Variants in ANKRD12 observed in about 807,000 individuals in gnomAD.
The protein encoded by ANKRD12 is ankyrin repeat domain 12.
A neutral mutation model predicts 183.4 loss-of-function variants in ANKRD12; 85 were observed. The observed-to-expected ratio is 0.46, with a 90% CI of 0.39 to 0.56. The LOEUF (loss-of-function observed/expected upper bound fraction) is 0.56. Among genes scored for constraint, ANKRD12 ranks in the 20% least tolerant of loss-of-function variants. The pLI is 0.00. For missense variants in ANKRD12, 2,405 were observed against 2,357.1 expected (o/e 1.02, Z -0.42); for synonymous variants, 914 against 800.2 (o/e 1.14, Z -2.40).
rs1304806480 is a variant in ANKRD12 at position 9,211,642 on chromosome 18, T to G, written c.510T>G (p.Ser170=). ...CTGCCCAAAAGAAAACTCCCAGTTCTTCATCTCGACAGAAAGATAAAGTTA... is the reference window on the plus strand; with the variant it reads ...CTGCCCAAAAGAAAACTCCCAGTTCGTCATCTCGACAGAAAGATAAAGTTA... ...TTPAQKKTPS[S]SSRQKDKVNK... The change falls in exon 6 of 13, where the codon TCT becomes TCG. Residue 170 remains serine, a synonymous_variant. Transcript: ENST00000262126. 6.2e-7 allele frequency: 1 copy of G among 1,613,900 alleles called. No individual in the cohort carries two copies. The highest frequency in any genetic ancestry group is 1.7e-5 in the Admixed American group (1 of 59,984).
At position 9,257,520 on chromosome 18, in the gene ANKRD12, C is replaced by T; in HGVS notation, c.4253C>T (p.Ser1418Leu). The T allele has an allele frequency of 6.2e-7, 1 of 1,614,102 alleles. No homozygotes were observed. The highest frequency in any genetic ancestry group is 8.5e-7 in the Non-Finnish European group (1 of 1,180,002). The change falls in exon 9 of 13, where the codon TCA becomes TTA. Residue 1418 changes from serine (S) to leucine (L), a missense_variant. Physicochemically the swap from Ser to Leu is moderately radical, Grantham distance 145. Transcript: ENST00000262126. ...SSQVGVIQNK[S>L]WEMPVDRLET... is the part of the protein sequence containing the mutation. ...CAGGTTGGTGTGATCCAGAATAAAT[C>T]ATGGGAGATGCCTGTTGATAGACTA...
Position 9,238,963 on chromosome 18 carries a change from A to G in ANKRD12, c.944-15248A>G, listed in dbSNP as rs1295140110. Among the ~76,000 whole-genome samples the G allele has an allele frequency of 3.9e-5, 6 of 152,264 alleles. No homozygotes were observed. The East Asian group carries it at 1.2e-3, about 29-fold the overall frequency. ...ATGGTGAAACCCCATCTTTACAGAA[A>G]ATACAAAAATTAGCAGGGCATGGTG... On this transcript the variant is annotated intron_variant, in intron 8 of 12. Transcript: ENST00000262126.
chr18:9,244,754 G>C (rs935355563), intron 8 of ANKRD12, among the ~76,000 whole-genome samples: 3 of 152,198 alleles, frequency 2.0e-5, no homozygotes, highest in Non-Finnish European at 4.4e-5. Flanking sequence ...TTTCCATGGA[G>C]TATAAGCATG....
chr18:9,254,268 A>T lies in ANKRD12; in HGVS notation c.1001A>T (p.Glu334Val). 1 of 1,606,090 alleles carries T rather than the reference A, an allele frequency of 6.2e-7. No homozygotes were observed. Among genetic ancestry groups the T allele is most frequent in the Non-Finnish European group, 8.5e-7 (1 of 1,177,488 alleles). The change falls in exon 9 of 13, where the codon GAA becomes GTA. Residue 334 changes from glutamate (E) to valine (V), a missense_variant. Around this residue, in one of 7 missense-constraint regions of ANKRD12, gnomAD observed 1,983 missense variants for 1,725.9 expected, o/e 1.15. Transcript: ENST00000262126. ...PSSVDENIDSETEKDSLICES... is the reference protein window; with the variant it reads ...PSSVDENIDSVTEKDSLICES... ...AGTGTTGATGAAAATATTGACTCTG[A>T]AACAGAGAAAGACTCTCTCATCTGT...
At chr18:9,162,517 G>A (rs2031561581) in intron 1 of ANKRD12, among the ~76,000 whole-genome samples, 1 of 152,120 alleles carries the variant, frequency 6.6e-6, no homozygotes, top group Admixed American at 6.5e-5. Context: ...AGATACACAT[G>A]CATGTATCTT....
chr18:9,192,088 C>T (rs1258035025), intron 2 of ANKRD12, among the ~76,000 whole-genome samples: 9 of 152,164 alleles, frequency 5.9e-5, no homozygotes, highest in African/African-American at 2.2e-4. Flanking sequence ...GCTCCCCACC[C>T]CTTGGAACTG....
intron 9 of ANKRD12, chr18:9,259,428 CAT>C (rs1051784992): frequency 1.2e-4 from 18 of 150,238 alleles, no homozygotes; most frequent in African/African-American, 4.6e-4. Context: ...ATGTGTTTAA[CAT>C]AGACACATTT....
intron 8 of ANKRD12, chr18:9,235,577 T>C: frequency 2.2e-6 from 1 of 454,988 alleles, no homozygotes; most frequent in Non-Finnish European, 4.4e-6. Context: ...GATGAAAGAA[T>C]ATACTGTACT....
In ANKRD12 at chr18:9,255,294, A is replaced by T; in HGVS notation, c.2027A>T (p.Tyr676Phe). Residue 676 changes from tyrosine to phenylalanine, a missense_variant, in exon 9 of 13, where the codon TAC becomes TTC. Tyr to Phe is a conservative substitution (Grantham distance 22, BLOSUM62 3). Transcript: ENST00000262126. The stretch of plus-strand genomic sequence containing the variant: ...GAAATTGAAGGTGAAAAGGAAAAAT[A>T]CAAAACTAAGGATAGTGCCAAAGAA... ...KKEIEGEKEK[Y>F]KTKDSAKELQ... 9 of 1,579,930 alleles carry T rather than the reference A, an allele frequency of 5.7e-6. No individual in the cohort carries two copies. The highest frequency in any genetic ancestry group is 7.7e-6 in the Non-Finnish European group (9 of 1,171,242).
In ANKRD12 at chr18:9,167,862, C is replaced by G. The variant is rs2032253117; in HGVS notation, c.-51-14520C>G. On this transcript the variant is annotated intron_variant, in intron 1 of 12. Transcript: ENST00000262126. Reference sequence around the variant, plus strand: ...TGATATTGGCTGTGGGTTTGTCATACATAGCTCTTATTGTTTTGAGATACG... The same window carrying G: ...TGATATTGGCTGTGGGTTTGTCATAGATAGCTCTTATTGTTTTGAGATACG... Among the ~76,000 whole-genome samples, 3 of 152,020 alleles carry G rather than the reference C, an allele frequency of 2.0e-5. No individual in the cohort carries two copies. In the South Asian group the frequency reaches 6.2e-4, roughly 32 times the overall value.
chr18:9,212,181 A>G (rs1389730284), intron 6 of ANKRD12, among the ~76,000 whole-genome samples: 1 of 151,994 alleles, frequency 6.6e-6, no homozygotes, highest in Non-Finnish European at 1.5e-5. Context: ...TTCATTATTC[A>G]AGTAGCATAC....
At chr18:9,241,160 A>G (rs2037637170) in intron 8 of ANKRD12, among the ~76,000 whole-genome samples, 1 of 152,140 alleles carries the variant, frequency 6.6e-6, no homozygotes, top group South Asian at 2.1e-4. Flanking sequence ...AAATTTTTTT[A>G]ACCTAGAAGC....
At position 9,140,250 on chromosome 18, in the gene ANKRD12, A is replaced by G. The variant is rs1216651325; in HGVS notation, c.-52+3285A>G. ...AACTTCTATACAACGTGGTGATGTT[A>G]TTTTTAAAGAAAATACAATTCTTAA... On this transcript the variant is annotated intron_variant, in intron 1 of 12. Transcript: ENST00000262126. 2.0e-5 allele frequency among the ~76,000 whole-genome samples: 3 copies of G among 152,306 alleles called. No homozygotes were observed. In the East Asian group the frequency reaches 5.8e-4, roughly 29 times the overall value.
chr18:9,183,673 ACTT>A (rs138551037), intron 2 of ANKRD12, among the ~76,000 whole-genome samples: 33,102 of 151,852 alleles, frequency 0.22, 4,534 homozygotes, highest in Middle Eastern at 0.36. Context: ...AGATAATTTT[ACTT>A]CTTTTCCAGT....
intron 2 of ANKRD12, among the ~76,000 whole-genome samples, chr18:9,194,907 C>T (rs2034682478): frequency 6.6e-6 from 1 of 152,156 alleles, no homozygotes; most frequent in African/African-American, 2.4e-5. Flanking sequence ...GCACTACTCA[C>T]AGTAGCAAAT....
At chr18:9,206,347 C>T (rs1439723373) in intron 4 of ANKRD12, among the ~76,000 whole-genome samples, 1 of 152,108 alleles carries the variant, frequency 6.6e-6, no homozygotes, top group Admixed American at 6.5e-5. Flanking sequence ...TAATCACCTT[C>T]CTGACAAGAG....
At chr18:9,218,628 T>G (rs905567258) in intron 7 of ANKRD12, among the ~76,000 whole-genome samples, 1 of 152,126 alleles carries the variant, frequency 6.6e-6, no homozygotes, top group Non-Finnish European at 1.5e-5. Context: ...TTGACTTGTT[T>G]GTAAATGTAT....
intron 10 of ANKRD12, among the ~76,000 whole-genome samples, chr18:9,266,260 A>G (rs1197901764): frequency 1.3e-5 from 2 of 152,232 alleles, no homozygotes; most frequent in East Asian, 3.8e-4. Context: ...CAGGAAATAC[A>G]GAGAACACCA....
At chr18:9,167,929 G>C (rs377357653) in intron 1 of ANKRD12, among the ~76,000 whole-genome samples, 1 of 149,006 alleles carries the variant, frequency 6.7e-6, no homozygotes, top group Admixed American at 6.6e-5. Flanking sequence ...TAGCATGAAG[G>C]GTTGTTGAAT....
Sources: allele counts gnomAD v4.1 joint callset (sites outside exome capture counted in the v4.1 genomes callset), GRCh38; gene constraint gnomAD v4.1.1; regional missense constraint gnomAD v4.1.1; transcripts MANE v1.5; gene names NCBI Gene and HGNC (gene_info 2026-07-23, HGNC 2026-07-21).